The following ABLIM1 variants were observed in gnomAD, a reference collection of about 807,000 sequenced individuals.
ABLIM1 encodes the protein actin-binding LIM protein 1.
Under a neutral mutation model 107.0 loss-of-function variants are expected in ABLIM1, and 40 were observed. The ratio of observed to expected loss-of-function variants is 0.37; its 90% CI spans 0.29 to 0.49. The LOEUF (loss-of-function observed/expected upper bound fraction) is 0.49. Ranked by LOEUF, ABLIM1 falls within the 20% of genes least tolerant of loss-of-function variation. ABLIM1 has a pLI of 0.97. For missense variants in ABLIM1, 857 were observed against 1,008.5 expected (o/e 0.85, Z 2.04); for synonymous variants, 357 against 357.3 (o/e 1.00, Z 0.01).
chr10:114,604,594 T>A (rs1416554602), intron 1 of ABLIM1, among the ~76,000 whole-genome samples: 2 of 152,232 alleles, frequency 1.3e-5, no homozygotes, highest in Admixed American at 1.3e-4. Context: ...TTTAGTAAAC[T>A]ACTCAAGTGA....
upstream of ABLIM1, among the ~76,000 whole-genome samples, chr10:114,687,614 C>T (rs551714778): frequency 3.0e-4 from 45 of 152,252 alleles, no homozygotes; most frequent in Admixed American, 1.9e-3. Context: ...TAAAAGACCT[C>T]GCCTAGGCCT....
At chr10:114,552,739 G>A (rs2483533) in intron 4 of ABLIM1, among the ~76,000 whole-genome samples, 2,557 of 152,266 alleles carry the variant, frequency 0.017, 61 homozygotes, top group African/African-American at 0.059. Flanking sequence ...TTTTAGCATA[G>A]GGCTATGGAC....
chr10:114,599,265 GA>G (rs1210026982), intron 2 of ABLIM1, among the ~76,000 whole-genome samples: 1 of 152,024 alleles, frequency 6.6e-6, no homozygotes, highest in Non-Finnish European at 1.5e-5. Flanking sequence ...AACTTTTCAA[GA>G]ACACATTTAT....
the ABLIM1 span, among the ~76,000 whole-genome samples, chr10:114,789,668 A>G: frequency 5.9e-5 from 9 of 152,284 alleles, no homozygotes; most frequent in East Asian, 9.6e-4. Context: ...CATTGCTCCA[A>G]TGATTAGTGA....
intron 1 of ABLIM1, among the ~76,000 whole-genome samples, chr10:114,631,426 C>G (rs1387900675): frequency 2.0e-5 from 3 of 152,086 alleles, no homozygotes; most frequent in African/African-American, 7.2e-5. Flanking sequence ...GCACCTGAAG[C>G]CTTTAAAACA....
chr10:114,482,839 T>A (rs1296805099), intron 8 of ABLIM1, among the ~76,000 whole-genome samples: 3 of 152,182 alleles, frequency 2.0e-5, no homozygotes, highest in East Asian at 1.9e-4. Flanking sequence ...AACTAAAAAA[T>A]TTCACACTTG....
chr10:114,627,563 A>G (rs2077894780), intron 1 of ABLIM1, among the ~76,000 whole-genome samples: 1 of 152,138 alleles, frequency 6.6e-6, no homozygotes, highest in African/African-American at 2.4e-5. Flanking sequence ...GGAATAGGGA[A>G]GTTTCCTGAC....
chr10:114,637,136 G>C (rs1326646900), intron 1 of ABLIM1, among the ~76,000 whole-genome samples: 1 of 151,872 alleles, frequency 6.6e-6, no homozygotes, highest in Non-Finnish European at 1.5e-5. Flanking sequence ...CCCCACCTCA[G>C]GTCTGACTGA....
chr10:114,436,023 T>C lies in ABLIM1; in HGVS notation c.*237A>G, dbSNP rs1046765765. On this transcript the variant is annotated 3_prime_UTR_variant, in exon 23 of 23. Coordinates refer to ENST00000533213, the MANE Select transcript of ABLIM1 (RefSeq NM_002313.7). ...CATAAGGTAATGTGAAAAGCTCACA[T>C]GTGGACACTACTCTGTGTTTCGGAA... is the stretch of plus-strand genomic sequence containing the variant. The C allele has an allele frequency of 7.8e-6, 4 of 510,738 alleles. No individual in the cohort carries two copies. The highest frequency in any genetic ancestry group is 3.3e-5 in the Admixed American group (1 of 30,372). The allele number at this position is 510,738 out of a possible 1,614,324, so 31.6% of individuals were successfully genotyped here. A position where few individuals can be genotyped will look rare whatever the true frequency, so the allele number is the denominator to read the frequency against.
intron 2 of ABLIM1, among the ~76,000 whole-genome samples, chr10:114,584,620 C>A (rs1239429640): frequency 1.3e-5 from 2 of 152,152 alleles, no homozygotes; most frequent in African/African-American, 2.4e-5. Flanking sequence ...CCAGAAATAT[C>A]TTTTGCTAAT....
At chr10:114,625,810 T>C (rs1261889346) in intron 1 of ABLIM1, among the ~76,000 whole-genome samples, 3 of 152,208 alleles carry the variant, frequency 2.0e-5, no homozygotes, top group Non-Finnish European at 4.4e-5. Flanking sequence ...TTAGCTTTTC[T>C]ACATGCTAGC....
rs893062244 is a variant in ABLIM1 at position 114,478,070 on chromosome 10, C to T, written c.1042-4114G>A. Among the ~76,000 whole-genome samples the T allele has an allele frequency of 6.2e-4, 94 of 152,134 alleles. 2 individuals are homozygous for T. The highest frequency in any genetic ancestry group is 2.2e-3 in the African/African-American group (92 of 41,428). On this transcript the variant is annotated intron_variant, in intron 8 of 22. Transcript: ENST00000533213. ...TAGGGGATCCTGTGAGTTATGCAGG[C>T]TTTCTTGGAAACATTTATCTTTTTT...
chr10:114,659,636 G>T (rs1302630079), upstream of ABLIM1, among the ~76,000 whole-genome samples: 2 of 152,150 alleles, frequency 1.3e-5, no homozygotes, highest in Non-Finnish European at 2.9e-5. Context: ...GGATACATGT[G>T]CACAATGTGC....
At chr10:114,751,753 A>G (rs2082517277) in intron 1 of ABLIM1, among the ~76,000 whole-genome samples, 1 of 151,766 alleles carries the variant, frequency 6.6e-6, no homozygotes. Context: ...TGTCTCAAAA[A>G]AAAAAAAAAA....
intron 16 of ABLIM1, among the ~76,000 whole-genome samples, chr10:114,444,711 C>T (rs375305264): frequency 6.6e-6 from 1 of 152,228 alleles, no homozygotes. Context: ...ATATCACGTG[C>T]ATTTCCTATA....
the ABLIM1 span, among the ~76,000 whole-genome samples, chr10:114,795,333 A>G: frequency 6.6e-6 from 1 of 152,210 alleles, no homozygotes; most frequent in African/African-American, 2.4e-5. Flanking sequence ...TCAGACTTAC[A>G]TTGAAGTGCT....
intron 1 of ABLIM1, among the ~76,000 whole-genome samples, chr10:114,694,057 G>C (rs904608393): frequency 1.3e-5 from 2 of 152,144 alleles, no homozygotes; most frequent in African/African-American, 4.8e-5. Flanking sequence ...AAAATATTCT[G>C]AAGTTTTCAG....
intron 1 of ABLIM1, among the ~76,000 whole-genome samples, chr10:114,631,467 G>A (rs1591667218): frequency 6.6e-6 from 1 of 152,156 alleles, no homozygotes; most frequent in African/African-American, 2.4e-5. Context: ...CGGATCTAGC[G>A]AGGCCTGGGC....
rs71007486 is a variant in ABLIM1 at position 114,656,269 on chromosome 10, CAAAAA to C, written c.244+1683_244+1687del. ...TGGGCAACAAAGCAAAACTCCGTCT[CAAAAA>C]AAAAAAAAAAAAAAAAAAGGCAGAT... On this transcript the variant is annotated intron_variant, in intron 1 of 22. Coordinates refer to ENST00000533213, the MANE Select transcript of ABLIM1 (RefSeq NM_002313.7). Among the ~76,000 whole-genome samples, 143 of 63,584 alleles carry C rather than the reference CAAAAA, an allele frequency of 2.2e-3. 1 individual carries two copies. In the East Asian group the frequency reaches 0.054, roughly 24 times the overall value. The allele number at this position is 63,584 out of a possible 152,430, so 41.7% of individuals were successfully genotyped here. A position where few individuals can be genotyped will look rare whatever the true frequency, so the allele number is the denominator to read the frequency against.
Sources: gnomAD v4.1 joint callset for allele counts (sites outside exome capture counted in the v4.1 genomes callset) on GRCh38, gnomAD v4.1.1 for gene constraint, MANE v1.5 for transcripts, NCBI Gene and HGNC (gene_info 2026-07-23, HGNC 2026-07-21) for gene names.